PINX1: variants seen among roughly 807,000 people sequenced by gnomAD.
PINX1 encodes PIN2 (TERF1) interacting telomerase inhibitor 1.
A neutral mutation model predicts 25.4 loss-of-function variants in PINX1; 34 were observed. The ratio of observed to expected loss-of-function variants is 1.34; its 90% confidence interval spans 1.02 to 1.78. PINX1 has a LOEUF of 1.78. PINX1 is among the 40% of genes most tolerant of loss of function. The probability of loss-of-function intolerance (pLI) is 0.00; values close to 1 mark genes in which losing one functional copy is unlikely to be tolerated. For synonymous variants in PINX1, 197 were observed against 147.7 expected, an observed-to-expected ratio of 1.33 and a Z score of -2.42; for missense variants, 592 against 404.9, an observed-to-expected ratio of 1.46 and a Z score of -3.97.
At chr8:10,807,062 T>C (rs996327043) in intron 6 of PINX1, among the ~76,000 whole-genome samples, 2 of 151,976 alleles carry the variant, frequency 1.3e-5, no homozygotes, top group Non-Finnish European at 2.9e-5. Context: ...GGGGAAATCC[T>C]CCCTCATGAA....
At chr8:10,820,040 GA>G (rs1797817780) in intron 6 of PINX1, among the ~76,000 whole-genome samples, 152 bp downstream of exon 6, 1 of 152,042 alleles carries the variant, frequency 6.6e-6, no homozygotes, top group Non-Finnish European at 1.5e-5. Flanking sequence ...CTAATATTAT[GA>G]AAAGGATCAT....
intron 6 of PINX1, among the ~76,000 whole-genome samples, chr8:10,791,617 T>C (rs1456714052): frequency 5.3e-5 from 8 of 152,198 alleles, no homozygotes. Flanking sequence ...GAAACATAGC[T>C]ATATTCTTTT....
intron 6 of PINX1, among the ~76,000 whole-genome samples, chr8:10,806,544 T>C (rs1298505288): frequency 6.6e-6 from 1 of 152,188 alleles, no homozygotes; most frequent in Non-Finnish European, 1.5e-5. Flanking sequence ...AGAAAAGGGT[T>C]TGTTACACTT....
chr8:10,777,896 C>A (rs1801444932), intron 6 of PINX1, among the ~76,000 whole-genome samples: 1 of 152,186 alleles, frequency 6.6e-6, no homozygotes, highest in African/African-American at 2.4e-5. Flanking sequence ...AGAGCGGGTG[C>A]CTTCCACAGG....
Position 10,839,854 on chromosome 8 carries a change from T to A in PINX1, c.-98A>T. 8.2e-7 allele frequency: 1 copy of A among 1,217,020 alleles called. No homozygotes were observed. 75.4% of individuals were successfully genotyped at this position (1,217,020 alleles called of 1,614,324 possible). ...GAGAATCAGGACGTGCGTAACTCCC[T>A]CGCCGGCGGACTGCAGCGGACGGGG... is the stretch of plus-strand genomic sequence containing the variant. On this transcript the variant is annotated 5_prime_UTR_variant, in exon 1 of 7. Coordinates refer to ENST00000314787, the MANE Select transcript of PINX1 (RefSeq NM_017884.6).
intron 6 of PINX1, among the ~76,000 whole-genome samples, chr8:10,797,723 C>T (rs916491139): frequency 1.3e-5 from 2 of 152,174 alleles, no homozygotes; most frequent in Admixed American, 6.5e-5. Context: ...CTTTTCATAC[C>T]TTCATATAAT....
intron 6 of PINX1, among the ~76,000 whole-genome samples, chr8:10,815,812 T>A (rs1339348489): frequency 1.3e-5 from 2 of 152,260 alleles, no homozygotes; most frequent in Non-Finnish European, 2.9e-5. Context: ...GAGTGAACTT[T>A]AAAGACATCA....
At chr8:10,834,643 T>G in intron 2 of PINX1, 23 bp downstream of exon 2, 1 of 1,610,582 alleles carries the variant, frequency 6.2e-7, no homozygotes, top group African/African-American at 1.3e-5. Flanking sequence ...GCTCAGATTT[T>G]TTTCCGCTTT....
chr8:10,782,104 G>A (rs1357004735), intron 6 of PINX1, among the ~76,000 whole-genome samples: 3 of 152,162 alleles, frequency 2.0e-5, no homozygotes, highest in Non-Finnish European at 4.4e-5. Context: ...GAAAAACATT[G>A]CATGATCTCA....
At chr8:10,769,448 G>A (rs1473510642) in intron 6 of PINX1, among the ~76,000 whole-genome samples, 1 of 152,126 alleles carries the variant, frequency 6.6e-6, no homozygotes, top group Non-Finnish European at 1.5e-5. Context: ...AAGTACTTGT[G>A]GCTTTGAACT....
At chr8:10,821,540 C>T (rs894616060) in intron 5 of PINX1, among the ~76,000 whole-genome samples, 1 of 152,144 alleles carries the variant, frequency 6.6e-6, no homozygotes, top group African/African-American at 2.4e-5. Flanking sequence ...CACAAAAAGA[C>T]CCAAAAGAAA....
chr8:10,828,882 C>G (rs1586206326), intron 4 of PINX1, among the ~76,000 whole-genome samples: 1 of 152,198 alleles, frequency 6.6e-6, no homozygotes, highest in African/African-American at 2.4e-5. Context: ...TGGCCCGGCC[C>G]TCACACCCCT....
At chr8:10,806,485 C>A (rs925521293) in intron 6 of PINX1, among the ~76,000 whole-genome samples, 7 of 152,184 alleles carry the variant, frequency 4.6e-5, no homozygotes, top group African/African-American at 1.2e-4. Context: ...CCACCCCCCT[C>A]ACATGTATTG....
At chr8:10,788,198 C>A (rs999253451) in intron 6 of PINX1, among the ~76,000 whole-genome samples, 1 of 152,150 alleles carries the variant, frequency 6.6e-6, no homozygotes. Flanking sequence ...GTACTGGGCA[C>A]AGACAGACTC....
chr8:10,799,694 C>T (rs998889695), intron 6 of PINX1, among the ~76,000 whole-genome samples: 3 of 152,184 alleles, frequency 2.0e-5, no homozygotes, highest in African/African-American at 7.2e-5. Flanking sequence ...GTAGACAGAA[C>T]CACAATCCCT....
chr8:10,807,965 C>T (rs553897814), intron 6 of PINX1, among the ~76,000 whole-genome samples: 7 of 152,288 alleles, frequency 4.6e-5, no homozygotes, highest in African/African-American at 1.2e-4. Context: ...GCAGCTGACA[C>T]ACTGAAAGTT....
chr8:10,833,330 G>C (rs892757611), intron 2 of PINX1, among the ~76,000 whole-genome samples: 1 of 152,204 alleles, frequency 6.6e-6, no homozygotes, highest in African/African-American at 2.4e-5. Context: ...ACCTACGGGA[G>C]GAATTTGGAT....
At chr8:10,823,149 C>A (rs960651292) in intron 5 of PINX1, among the ~76,000 whole-genome samples, 3 of 152,176 alleles carry the variant, frequency 2.0e-5, no homozygotes, top group Admixed American at 6.5e-5. Flanking sequence ...TTGAATGCTC[C>A]TCACTACCAG....
chr8:10,822,800 C>G (rs989127227), intron 5 of PINX1, among the ~76,000 whole-genome samples: 2 of 152,100 alleles, frequency 1.3e-5, no homozygotes, highest in Admixed American at 6.5e-5. Flanking sequence ...TATGGAAAAG[C>G]AGAGTTGAGC....
Sources: allele counts gnomAD v4.1 joint callset (sites outside exome capture counted in the v4.1 genomes callset), GRCh38; gene constraint gnomAD v4.1.1; transcripts MANE v1.5; gene names NCBI Gene and HGNC (gene_info 2026-07-23, HGNC 2026-07-21).